Variants in PCDHA1 observed in about 807,000 individuals in gnomAD.
The protein encoded by PCDHA1 is protocadherin alpha 1.
A neutral mutation model predicts 61.3 loss-of-function variants in PCDHA1; 42 were observed. The observed-to-expected ratio is 0.69, with a 90% CI of 0.54 to 0.89. The LOEUF is 0.89. Ranked by LOEUF, PCDHA1 falls within the 40% of genes least tolerant of loss-of-function variation. PCDHA1 has a pLI of 0.00. For missense variants in PCDHA1, 1,256 were observed against 1,235.3 expected, an observed-to-expected ratio of 1.02 and a Z score of -0.25; for synonymous variants, 610 against 553.8, an observed-to-expected ratio of 1.10 and a Z score of -1.43.
intron 1 of PCDHA1, chr5:140,928,443 G>A: frequency 6.2e-7 from 1 of 1,614,184 alleles, no homozygotes. Context: ...ACTTTGAGCA[G>A]CTCAGGGGGT....
At chr5:140,843,746 T>C (rs1554140400) in intron 1 of PCDHA1, 6 of 1,531,640 alleles carry the variant, frequency 3.9e-6, no homozygotes, top group Non-Finnish European at 5.4e-6. Context: ...AACTCATAAA[T>C]TCTATTTGTG....
intron 1 of PCDHA1, chr5:140,813,542 A>AG (rs1554126221): frequency 6.6e-6 from 1 of 152,234 alleles, no homozygotes. Flanking sequence ...ACACCTGAAT[A>AG]GGGTACTTAC....
Position 140,787,451 on chromosome 5 carries a change from C to T in PCDHA1, c.1161C>T (p.Cys387=), listed in dbSNP as rs782574414. 1.8e-5 allele frequency: 29 copies of T among 1,614,134 alleles called. No homozygotes were observed. In the East Asian group the frequency reaches 6.5e-4, roughly 36 times the overall value. The change falls in exon 1 of 4, where the codon TGC becomes TGT. Residue 387 remains cysteine, a synonymous_variant. Transcript: ENST00000504120. ...RDSGANGQVT[C]SLMPHVPFKL... ...CAGGTGCCAACGGGCAGGTGACTTG[C>T]TCCTTAATGCCCCACGTCCCCTTCA...
At chr5:140,806,957 T>TC in intron 1 of PCDHA1, 1 of 595,210 alleles carries the variant, frequency 1.7e-6, no homozygotes, top group Non-Finnish European at 3.0e-6. Flanking sequence ...TGTGGGGGTT[T>TC]CCACAATTGC....
At position 140,928,057 on chromosome 5, in the gene PCDHA1, G is replaced by T. The variant is rs150006101; in HGVS notation, c.2395-50892G>T. 1.4e-4 allele frequency: 234 copies of T among 1,614,060 alleles called. No individual in the cohort carries two copies. Among genetic ancestry groups the T allele is most frequent in the Non-Finnish European group, 1.9e-4 (219 of 1,180,052 alleles). On this transcript the variant is annotated intron_variant, in intron 1 of 3. Transcript: ENST00000504120. ...TAGTGCAGGCCCTTTTCAGCTGACG[G>T]CTTCCTTTGACAACTACTACAGCCT...
chr5:140,790,936 G>C (rs543354239), intron 1 of PCDHA1, among the ~76,000 whole-genome samples: 16 of 152,274 alleles, frequency 1.1e-4, no homozygotes, highest in African/African-American at 3.6e-4. Flanking sequence ...TTGTGGAGTG[G>C]TATTGTCACT....
intron 1 of PCDHA1, among the ~76,000 whole-genome samples, chr5:140,952,192 G>A (rs572613863): frequency 1.1e-4 from 16 of 152,198 alleles, no homozygotes; most frequent in African/African-American, 3.9e-4. Flanking sequence ...TCATGGGTTG[G>A]TGTTGAATGC....
intron 1 of PCDHA1, chr5:140,968,696 A>G (rs1554230980): frequency 6.2e-7 from 1 of 1,614,134 alleles, no homozygotes; most frequent in Non-Finnish European, 8.5e-7. Context: ...AGAAATTAGG[A>G]CTACCAGGAA....
chr5:140,843,593 G>T, intron 1 of PCDHA1: 2 of 1,596,072 alleles, frequency 1.3e-6, no homozygotes, highest in Non-Finnish European at 1.7e-6. Flanking sequence ...GCCGCAGAGG[G>T]TGTGCTCTGG....
chr5:140,838,214 A>C (rs1211623203), intron 1 of PCDHA1, among the ~76,000 whole-genome samples: 1 of 149,876 alleles, frequency 6.7e-6, no homozygotes, highest in Non-Finnish European at 1.5e-5. Context: ...CTCTGGTACA[A>C]GCAGTTCTCA....
At chr5:140,868,810 G>C (rs944762063) in intron 1 of PCDHA1, 6 of 369,934 alleles carry the variant, frequency 1.6e-5, no homozygotes, top group African/African-American at 1.2e-4. Flanking sequence ...AAGCACGTTG[G>C]AAATATTTGG....
intron 1 of PCDHA1, chr5:140,870,890 T>C: frequency 6.2e-7 from 1 of 1,613,954 alleles, no homozygotes; most frequent in Non-Finnish European, 8.5e-7. Flanking sequence ...GTGCGCGCAG[T>C]GGATGCGGAC....
intron 1 of PCDHA1, chr5:140,966,947 G>A (rs782439197): frequency 6.2e-7 from 1 of 1,603,520 alleles, no homozygotes; most frequent in Middle Eastern, 1.7e-4. Context: ...CGTGGGCAAC[G>A]TGGCTCGCGC....
chr5:140,840,555 T>C (rs1418325429), intron 1 of PCDHA1, among the ~76,000 whole-genome samples: 1 of 152,084 alleles, frequency 6.6e-6, no homozygotes, highest in African/African-American at 2.4e-5. Flanking sequence ...ATGGCAATAC[T>C]GCTAGAGTTT....
intron 1 of PCDHA1, chr5:140,830,161 G>T: frequency 6.2e-7 from 1 of 1,613,372 alleles, no homozygotes; most frequent in Non-Finnish European, 8.5e-7. Context: ...CGGGCCCAGA[G>T]GCGGCGCTGG....
At chr5:140,937,836 T>C (rs2091788765) in intron 1 of PCDHA1, among the ~76,000 whole-genome samples, 1 of 150,366 alleles carries the variant, frequency 6.7e-6, no homozygotes, top group Non-Finnish European at 1.5e-5. Flanking sequence ...GGCATGAACC[T>C]GGAAGGCGGA....
chr5:140,941,939 T>C (rs2153657014), intron 1 of PCDHA1, among the ~76,000 whole-genome samples: 1 of 152,358 alleles, frequency 6.6e-6, no homozygotes, highest in African/African-American at 2.4e-5. Context: ...TTTGAATTAC[T>C]TTTGTTTTGA....
At chr5:140,793,342 A>G (rs1200666372) in intron 1 of PCDHA1, among the ~76,000 whole-genome samples, 2 of 152,232 alleles carry the variant, frequency 1.3e-5, no homozygotes, top group Non-Finnish European at 2.9e-5. Flanking sequence ...ATGAGTCAGT[A>G]CAGGATTCTC....
At chr5:140,869,878 A>G in intron 1 of PCDHA1, 1 of 1,610,122 alleles carries the variant, frequency 6.2e-7, no homozygotes, top group Non-Finnish European at 8.5e-7. Flanking sequence ...TGCTAAAGAA[A>G]CTCTTGTGCT....
Sources: gnomAD v4.1 joint callset for allele counts (sites outside exome capture counted in the v4.1 genomes callset) on GRCh38, gnomAD v4.1.1 for gene constraint, MANE v1.5 for transcripts, NCBI Gene and HGNC (gene_info 2026-07-23, HGNC 2026-07-21) for gene names.